Variants in KLHL28 observed in about 807,000 individuals in gnomAD.
The protein encoded by KLHL28 is kelch like family member 28.
A neutral mutation model predicts 48.3 loss-of-function variants in KLHL28; 22 were observed. The observed-to-expected ratio is 0.46, with a 90% confidence interval of 0.33 to 0.65. The LOEUF is 0.65. Ranked by LOEUF, KLHL28 falls within the 30% of genes least tolerant of loss-of-function variation. The pLI, the probability that KLHL28 is intolerant of heterozygous loss-of-function variation, is 0.03. For synonymous variants in KLHL28, 243 were observed against 242.4 expected (o/e 1.00, Z -0.02); for missense variants, 527 against 704.3 (o/e 0.75, Z 2.85).
chr14:44,961,340 T>C (rs563593540), intron 1 of KLHL28, among the ~76,000 whole-genome samples: 1 of 152,082 alleles, frequency 6.6e-6, no homozygotes, highest in South Asian at 2.1e-4. Flanking sequence ...ACAGAGGAAC[T>C]GCATTAGAAG....
At chr14:44,957,798 C>T (rs1884855569) in intron 1 of KLHL28, among the ~76,000 whole-genome samples, 2 of 152,096 alleles carry the variant, frequency 1.3e-5, no homozygotes, top group African/African-American at 4.8e-5. Context: ...CTTAAATATT[C>T]TATTACACTG....
At chr14:44,934,945 C>T (rs754499000) in intron 2 of KLHL28, among the ~76,000 whole-genome samples, 13 of 152,028 alleles carry the variant, frequency 8.6e-5, no homozygotes, top group Admixed American at 2.6e-4. Flanking sequence ...AATCATCCAC[C>T]AAAAGAATGG....
chr14:44,948,274 G>C (rs1304635949), intron 1 of KLHL28, among the ~76,000 whole-genome samples: 1 of 151,986 alleles, frequency 6.6e-6, no homozygotes, highest in Non-Finnish European at 1.5e-5. Context: ...AGGTTTTTGA[G>C]GATCAAATCA....
rs74789218 is a variant in KLHL28 at position 44,952,903 on chromosome 14, T to TAA, written c.1-6977_1-6976dup. Among the ~76,000 whole-genome samples, 44 of 126,314 alleles carry TAA rather than the reference T, an allele frequency of 3.5e-4. No individual in the cohort carries two copies. In the East Asian group the frequency reaches 4.7e-3, roughly 13 times the overall value. The allele number at this position is 126,314 out of a possible 152,430, so 82.9% of individuals were successfully genotyped here. On this transcript the variant is annotated intron_variant, in intron 1 of 4. Transcript: ENST00000396128. Reference sequence around the variant, plus strand: ...TGCGTAAAAGGAAGGGTAAGTACCATAAAAAAAAAAAAAACAAACACAGGA... The same window carrying TAA: ...TGCGTAAAAGGAAGGGTAAGTACCATAAAAAAAAAAAAAAAACAAACACAGGA...
Position 44,945,386 on chromosome 14 carries a change from C to T in KLHL28, c.543G>A (p.Leu181=), listed in dbSNP as rs1413172682. ...AACAGTCATTGGAAACAATTTCATC[C>T]AAGTCAGCATGTGTAAGCTCAAAAA... is the stretch of plus-strand genomic sequence containing the variant. ...EEFFELTHAD[L]DEIVSNDCLN... is the part of the protein sequence containing the mutation. The change falls in exon 2 of 5, where the codon TTG becomes TTA. Residue 181 remains leucine (L), a synonymous_variant. Transcript: ENST00000396128. 2 of 1,614,124 alleles carry T rather than the reference C, an allele frequency of 1.2e-6. No individual in the cohort carries two copies. Among genetic ancestry groups the T allele is most frequent in the Non-Finnish European group, 1.7e-6 (2 of 1,180,018 alleles).
chr14:44,942,612 A>G (rs1884151225), intron 2 of KLHL28, among the ~76,000 whole-genome samples: 1 of 151,930 alleles, frequency 6.6e-6, no homozygotes, highest in African/African-American at 2.4e-5. Flanking sequence ...CTTCTTGGTT[A>G]GAACCCTTTA....
chr14:44,935,513 T>A (rs1248342221), intron 2 of KLHL28, among the ~76,000 whole-genome samples: 1 of 152,032 alleles, frequency 6.6e-6, no homozygotes, highest in Non-Finnish European at 1.5e-5. Context: ...ACATATCAAT[T>A]AAGTGAACCA....
intron 1 of KLHL28, among the ~76,000 whole-genome samples, chr14:44,958,916 C>G (rs1248215920): frequency 2.0e-5 from 3 of 151,948 alleles, no homozygotes; most frequent in African/African-American, 7.2e-5. Context: ...ATATATCACT[C>G]ATATACATCA....
chr14:44,944,880 G>A (rs567325338), intron 2 of KLHL28, 150 bp downstream of exon 2: 33 of 572,300 alleles, frequency 5.8e-5, no homozygotes, highest in Non-Finnish European at 7.3e-5. Context: ...AAACAATCAC[G>A]TAAGTATTTT....
intron 2 of KLHL28, among the ~76,000 whole-genome samples, chr14:44,940,449 A>G (rs372508081): frequency 1.3e-5 from 2 of 152,224 alleles, no homozygotes; most frequent in South Asian, 2.1e-4. Flanking sequence ...ACATATTTGC[A>G]CAACTATTCA....
rs574496201 is a variant in KLHL28, at chr14:44,928,803, C to CT, written c.*224dup. ...CAGAATTCAATTGGCAAAGTCTTTA[C>CT]TTTTTTTTTTTCTCTTTTTTCTTTT... On this transcript the variant is annotated 3_prime_UTR_variant, in exon 5 of 5. Transcript: ENST00000396128. The CT allele has an allele frequency of 0.053, 14,999 of 285,272 alleles. No homozygotes were observed. The highest frequency in any genetic ancestry group is 0.076 in the East Asian group (1,171 of 15,396). 17.7% of individuals were successfully genotyped at this position (285,272 alleles called of 1,614,324 possible).
intron 2 of KLHL28, 76 bp downstream of exon 2, chr14:44,944,954 A>T: frequency 9.1e-7 from 1 of 1,100,772 alleles, no homozygotes; most frequent in Non-Finnish European, 1.3e-6. Context: ...AACTATTTTT[A>T]AAATATAGAA....
At position 44,938,659 on chromosome 14, in the gene KLHL28, C is replaced by T. The variant is rs532301266; in HGVS notation, c.900-4101G>A. On this transcript the variant is annotated intron_variant, in intron 2 of 4. Transcript: ENST00000396128. ...TGCTGAGATTACAAGCGTGAGCCAC[C>T]GCGCCCGGCCGAAAACATTAAGTCT... Among the ~76,000 whole-genome samples, 129 of 152,240 alleles carry T rather than the reference C, an allele frequency of 8.5e-4. 1 individual carries two copies. The highest frequency in any genetic ancestry group is 2.9e-3 in the African/African-American group (121 of 41,552).
intron 1 of KLHL28, among the ~76,000 whole-genome samples, chr14:44,955,680 G>C (rs576591053): frequency 6.6e-6 from 1 of 152,258 alleles, no homozygotes; most frequent in East Asian, 1.9e-4. Flanking sequence ...CAGCTACTTG[G>C]GGGGCTGAGC....
intron 2 of KLHL28, among the ~76,000 whole-genome samples, chr14:44,937,729 AG>A (rs1324148780): frequency 6.6e-6 from 1 of 152,196 alleles, no homozygotes; most frequent in African/African-American, 2.4e-5. Context: ...AAGGTACTGG[AG>A]GCTGGGAAGT....
chr14:44,957,855 T>C (rs1055088358), intron 1 of KLHL28, among the ~76,000 whole-genome samples: 19 of 152,078 alleles, frequency 1.2e-4, no homozygotes, highest in Non-Finnish European at 1.9e-4. Context: ...TATTAAAATC[T>C]TAACTCAAAC....
intron 2 of KLHL28, 63 bp from the exon 3 acceptor site, chr14:44,934,621 G>A (rs1883731929): frequency 5.6e-6 from 7 of 1,242,176 alleles, no homozygotes; most frequent in African/African-American, 1.5e-5. Flanking sequence ...AGACAGATAT[G>A]TTTAATCTTA....
intron 1 of KLHL28, among the ~76,000 whole-genome samples, chr14:44,956,839 T>C (rs1884812941): frequency 6.6e-6 from 1 of 152,184 alleles, no homozygotes. Context: ...TAAGAGCTTT[T>C]TTCTTTTACA....
intron 1 of KLHL28, among the ~76,000 whole-genome samples, chr14:44,956,041 C>G (rs548336469): frequency 6.9e-4 from 105 of 152,262 alleles, no homozygotes; most frequent in Non-Finnish European, 1.3e-3. Flanking sequence ...TTTTTTGAAA[C>G]CTAGTAAACA....
Sources: allele counts gnomAD v4.1 joint callset (sites outside exome capture counted in the v4.1 genomes callset), GRCh38; gene constraint gnomAD v4.1.1; transcripts MANE v1.5; gene names NCBI Gene and HGNC (gene_info 2026-07-23, HGNC 2026-07-21).